The following FAM120A variants were observed in gnomAD, a reference collection of about 807,000 sequenced individuals.
FAM120A encodes constitutive coactivator of PPAR-gamma-like protein 1.
FAM120A carries 15 observed loss-of-function variants against 109.7 expected under a neutral mutation model. The observed-to-expected ratio is 0.14, with a 90% CI of 0.09 to 0.21. FAM120A has a LOEUF of 0.21. Ranked by LOEUF, FAM120A falls within the 10% of genes least tolerant of loss-of-function variation. The probability of loss-of-function intolerance (pLI) is 1.00; values close to 1 mark genes in which losing one functional copy is unlikely to be tolerated. For missense variants in FAM120A, 899 were observed against 1,439.3 expected (o/e 0.62, Z 6.07); for synonymous variants, 493 against 572.8 (o/e 0.86, Z 1.99).
Position 93,452,371 on chromosome 9 carries a change from C to T in FAM120A, c.456C>T (p.Leu152=). ...VCMAHCIRLA[L]IRFHVKVAQS... ...TGGCCCACTGCATCCGCCTGGCGCTCATCCGCTTCCACGTCAAGGTGAGGC... is the reference window on the plus strand; with the variant it reads ...TGGCCCACTGCATCCGCCTGGCGCTTATCCGCTTCCACGTCAAGGTGAGGC... The change falls in exon 1 of 18, where the codon CTC becomes CTT. Residue 152 remains leucine (L), a synonymous_variant. Transcript: ENST00000277165. The surrounding 1 kb of genome is among the most constrained non-coding windows in gnomAD (Gnocchi z 7.0). 6.2e-7 allele frequency: 1 copy of T among 1,609,546 alleles called. No homozygotes were observed. The highest frequency in any genetic ancestry group is 8.5e-7 in the Non-Finnish European group (1 of 1,178,580).
At chr9:93,550,212 T>C (rs1457289012) in intron 11 of FAM120A, among the ~76,000 whole-genome samples, 1 of 152,240 alleles carries the variant, frequency 6.6e-6, no homozygotes, top group African/African-American at 2.4e-5. Context: ...GTCTGCCTCC[T>C]GGCTATCCTG....
At chr9:93,507,496 T>C (rs1034063652) in intron 5 of FAM120A, among the ~76,000 whole-genome samples, 1 of 151,786 alleles carries the variant, frequency 6.6e-6, no homozygotes, top group African/African-American at 2.4e-5. Context: ...GAAAGCAGAG[T>C]GAGGAGCTAA....
chr9:93,520,027 C>T (rs1027515983), intron 7 of FAM120A, among the ~76,000 whole-genome samples: 6 of 152,000 alleles, frequency 3.9e-5, no homozygotes, highest in Non-Finnish European at 8.8e-5. Context: ...ACATGTTCCA[C>T]CACACCCAGC....
intron 5 of FAM120A, among the ~76,000 whole-genome samples, chr9:93,509,839 C>T (rs1352006548): frequency 1.1e-4 from 16 of 152,132 alleles, no homozygotes; most frequent in Non-Finnish European, 2.1e-4. Flanking sequence ...ATGCTTCAGG[C>T]TTTTCTAAAA....
chr9:93,474,503 C>T (rs1438007694), intron 2 of FAM120A, among the ~76,000 whole-genome samples: 1 of 152,196 alleles, frequency 6.6e-6, no homozygotes, highest in Non-Finnish European at 1.5e-5. Flanking sequence ...TTTCACCCCC[C>T]AATTTTTCAC....
chr9:93,504,493 T>A (rs1252175369), intron 5 of FAM120A, among the ~76,000 whole-genome samples: 2 of 152,264 alleles, frequency 1.3e-5, no homozygotes, highest in Non-Finnish European at 2.9e-5. Context: ...TGTGCTTCTC[T>A]ATATAATTTT....
chr9:93,483,424 C>T (rs897975818), intron 3 of FAM120A, among the ~76,000 whole-genome samples: 1 of 151,780 alleles, frequency 6.6e-6, no homozygotes, highest in African/African-American at 2.4e-5. Context: ...AAAAGAGAGA[C>T]AGGCAAGATG....
intron 7 of FAM120A, among the ~76,000 whole-genome samples, chr9:93,525,444 G>A (rs1420315493): frequency 6.6e-6 from 1 of 152,158 alleles, no homozygotes; most frequent in Non-Finnish European, 1.5e-5. Flanking sequence ...GGGGATGGGT[G>A]CTTGTGGGTC....
intron 7 of FAM120A, among the ~76,000 whole-genome samples, chr9:93,524,747 C>A (rs1860996414): frequency 6.6e-6 from 1 of 152,152 alleles, no homozygotes; most frequent in Non-Finnish European, 1.5e-5. Flanking sequence ...CTCTCTGAGC[C>A]TGGATTTTAT....
intron 10 of FAM120A, among the ~76,000 whole-genome samples, chr9:93,536,191 G>A (rs1295056583): frequency 6.6e-6 from 1 of 152,138 alleles, no homozygotes; most frequent in Non-Finnish European, 1.5e-5. Flanking sequence ...GGCCACTCTT[G>A]GACCACATGG....
At chr9:93,463,318 G>C (rs1307037155) in intron 1 of FAM120A, among the ~76,000 whole-genome samples, 7 of 152,074 alleles carry the variant, frequency 4.6e-5, no homozygotes, top group Non-Finnish European at 1.0e-4. Flanking sequence ...CTTATTTTAA[G>C]AAATGTTTTT....
intron 3 of FAM120A, among the ~76,000 whole-genome samples, chr9:93,492,834 G>C (rs1175562272): frequency 6.6e-6 from 1 of 152,204 alleles, no homozygotes; most frequent in Non-Finnish European, 1.5e-5. Flanking sequence ...GCTGCATGTT[G>C]TAGGGCTGGG....
intron 5 of FAM120A, among the ~76,000 whole-genome samples, chr9:93,514,518 T>C (rs1564337715): frequency 6.6e-6 from 1 of 152,236 alleles, no homozygotes; most frequent in Non-Finnish European, 1.5e-5. Flanking sequence ...CTGTTGTGTC[T>C]CACACAGGTT....
chr9:93,490,174 G>C (rs942212554), intron 3 of FAM120A, among the ~76,000 whole-genome samples: 1 of 152,204 alleles, frequency 6.6e-6, no homozygotes, highest in African/African-American at 2.4e-5. Flanking sequence ...AAAATGCAGA[G>C]TACTTCCCCT....
chr9:93,476,472 A>G (rs1858553042), intron 3 of FAM120A, 134 bp downstream of exon 3: 1 of 627,776 alleles, frequency 1.6e-6, no homozygotes, highest in Non-Finnish European at 2.8e-6. Flanking sequence ...TAATTTCAGG[A>G]TCTGCACTGC....
intron 11 of FAM120A, among the ~76,000 whole-genome samples, chr9:93,549,414 A>C (rs1412336385): frequency 6.6e-6 from 1 of 152,186 alleles, no homozygotes; most frequent in African/African-American, 2.4e-5. Flanking sequence ...AGGTGCTTAG[A>C]CCAATGCCTT....
At chr9:93,497,143 T>C (rs913361930) in intron 3 of FAM120A, among the ~76,000 whole-genome samples, 1 of 152,214 alleles carries the variant, frequency 6.6e-6, no homozygotes, top group Non-Finnish European at 1.5e-5. Context: ...TCGCTTGTTA[T>C]GGGTGCAGGT....
chr9:93,497,795 C>T (rs898228706), intron 4 of FAM120A, among the ~76,000 whole-genome samples, 196 bp downstream of exon 4: 1 of 152,126 alleles, frequency 6.6e-6, no homozygotes, highest in Non-Finnish European at 1.5e-5. Flanking sequence ...ATGTTCCCTG[C>T]CAGCCAGGAA....
intron 7 of FAM120A, among the ~76,000 whole-genome samples, chr9:93,525,951 T>G (rs890655268): frequency 2.6e-5 from 4 of 152,098 alleles, no homozygotes; most frequent in African/African-American, 9.7e-5. Context: ...TTTTTGCAGC[T>G]TTTTTTCCCC....
Sources: gnomAD v4.1 joint callset for allele counts (sites outside exome capture counted in the v4.1 genomes callset) on GRCh38, gnomAD v4.1.1 for gene constraint, Gnocchi (gnomAD v3.1) non-coding constraint, MANE v1.5 for transcripts, NCBI Gene and HGNC (gene_info 2026-07-23, HGNC 2026-07-21) for gene names.